PRLR: variants seen among roughly 807,000 people sequenced by gnomAD.
PRLR encodes prolactin receptor.
PRLR carries 13 observed loss-of-function variants against 40.2 expected under a neutral mutation model. That is an observed-to-expected ratio of 0.32 (90% confidence interval 0.21 to 0.51). The LOEUF (loss-of-function observed/expected upper bound fraction) is 0.51. Ranked by LOEUF, PRLR falls within the 20% of genes least tolerant of loss-of-function variation. The pLI, the probability that PRLR is intolerant of heterozygous loss-of-function variation, is 0.97. For missense variants in PRLR, 656 were observed against 747.3 expected, an observed-to-expected ratio of 0.88 and a Z score of 1.42; for synonymous variants, 269 against 278.7, an observed-to-expected ratio of 0.97 and a Z score of 0.35.
chr5:35,101,440 A>G (rs889447408), intron 2 of PRLR, among the ~76,000 whole-genome samples: 3 of 152,182 alleles, frequency 2.0e-5, no homozygotes, highest in African/African-American at 7.2e-5. Flanking sequence ...GATGAAGCCC[A>G]CTGAGATGTG....
intron 4 of PRLR, 22 bp from the exon 5 acceptor site, chr5:35,084,661 G>A: frequency 6.3e-7 from 1 of 1,594,462 alleles, no homozygotes; most frequent in Non-Finnish European, 8.5e-7. Flanking sequence ...AATGTATTAG[G>A]AATGAATAAG....
In PRLR at chr5:35,059,765, T is replaced by G. The variant is rs1768920673; in HGVS notation, c.*5324A>C. ...TTCAGATCATAATTATAAATAGGATTTCTCTGAAGCAATCAATCTGTATTT... is the reference window on the plus strand; with the variant it reads ...TTCAGATCATAATTATAAATAGGATGTCTCTGAAGCAATCAATCTGTATTT... On this transcript the variant is annotated 3_prime_UTR_variant, in exon 10 of 10. Transcript: ENST00000618457. 6.6e-6 allele frequency: 1 copy of G among 152,204 alleles called. No individual in the cohort carries two copies. Among genetic ancestry groups the G allele is most frequent in the Non-Finnish European group, 1.5e-5 (1 of 68,030 alleles). The allele number at this position is 152,204 out of a possible 1,614,324, so 9.4% of individuals were successfully genotyped here. A position where few individuals can be genotyped will look rare whatever the true frequency, so the allele number is the denominator to read the frequency against.
intron 1 of PRLR, among the ~76,000 whole-genome samples, chr5:35,124,376 T>G (rs1773388756): frequency 6.6e-6 from 1 of 151,834 alleles, no homozygotes; most frequent in Non-Finnish European, 1.5e-5. Context: ...TCATGGTGCA[T>G]GCTTATGCTG....
intron 1 of PRLR, among the ~76,000 whole-genome samples, chr5:35,181,112 T>C (rs1775285874): frequency 6.6e-6 from 1 of 152,202 alleles, no homozygotes; most frequent in Admixed American, 6.5e-5. Flanking sequence ...CAAGGCTCTG[T>C]GCAAATGGAA....
In PRLR at chr5:35,226,843, G is replaced by A. The variant is rs150317110; in HGVS notation, c.-106+3425C>T. 7.4e-3 allele frequency among the ~76,000 whole-genome samples: 1,127 copies of A among 152,330 alleles called. 6 individuals are homozygous for A. Among genetic ancestry groups the A allele is most frequent in the Middle Eastern group, 0.014 (4 of 294 alleles). On this transcript the variant is annotated intron_variant, in intron 1 of 9. Transcript: ENST00000618457. ...TTCTGTCACTCTCTCTGGCATAGAA[G>A]CTCCACAAGGGCTGGGATCCTGTGT...
At chr5:35,071,533 G>A (rs777444344) in intron 6 of PRLR, among the ~76,000 whole-genome samples, 10 of 152,138 alleles carry the variant, frequency 6.6e-5, no homozygotes, top group Non-Finnish European at 1.2e-4. Flanking sequence ...TGTAAAGATG[G>A]AATATTGTAC....
chr5:35,057,011 T>G lies in PRLR; in HGVS notation c.*8078A>C, dbSNP rs1768762193. ...CATTAAAAGATTATCCATTTACACT[T>G]CATCTGATGGATTTTGTCAGAAAAG... is the stretch of plus-strand genomic sequence containing the variant. On this transcript the variant is annotated 3_prime_UTR_variant, in exon 10 of 10. Coordinates refer to ENST00000618457, the MANE Select transcript of PRLR (RefSeq NM_000949.7). The G allele has an allele frequency of 6.6e-6, 1 of 152,190 alleles. No homozygotes were observed. The highest frequency in any genetic ancestry group is 1.5e-5 in the Non-Finnish European group (1 of 68,028). 9.4% of individuals were successfully genotyped at this position (152,190 alleles called of 1,614,324 possible).
downstream of PRLR, among the ~76,000 whole-genome samples, chr5:35,051,622 A>G (rs1292789858): frequency 6.6e-6 from 1 of 152,202 alleles, no homozygotes; most frequent in African/African-American, 2.4e-5. Context: ...TTTAATTACA[A>G]GGACCTTTAA....
chr5:35,062,077 T>C lies in PRLR; in HGVS notation c.*3012A>G, dbSNP rs1401093802. 1 of 152,194 alleles carries C rather than the reference T, an allele frequency of 6.6e-6. No homozygotes were observed. The highest frequency in any genetic ancestry group is 1.5e-5 in the Non-Finnish European group (1 of 68,038). 9.4% of individuals were successfully genotyped at this position (152,194 alleles called of 1,614,324 possible). On this transcript the variant is annotated 3_prime_UTR_variant, in exon 10 of 10. Coordinates refer to ENST00000618457, the MANE Select transcript of PRLR (RefSeq NM_000949.7). The stretch of plus-strand genomic sequence containing the variant: ...GTACACATTTCACTTATAAAATACT[T>C]GTGCAATATATTAAGACCAACTGGA...
At chr5:35,114,322 G>A (rs1020749094) in intron 2 of PRLR, among the ~76,000 whole-genome samples, 2 of 152,136 alleles carry the variant, frequency 1.3e-5, no homozygotes, top group African/African-American at 2.4e-5. Context: ...GTAAAGTGTC[G>A]AGAGGGTCAC....
chr5:35,083,751 C>T (rs1770675371), intron 5 of PRLR, among the ~76,000 whole-genome samples: 2 of 144,110 alleles, frequency 1.4e-5, no homozygotes, highest in Admixed American at 6.8e-5. Context: ...AACTCTTGAT[C>T]TTATGATCTG....
chr5:35,230,018 C>A (rs115037164), intron 1 of PRLR, among the ~76,000 whole-genome samples: 4,640 of 152,210 alleles, frequency 0.03, 101 homozygotes, highest in Middle Eastern at 0.071. Flanking sequence ...GTGGTGGAGG[C>A]AAAGCACCTT....
At position 35,172,940 on chromosome 5, in the gene PRLR, G is replaced by A. The variant is rs80274913; in HGVS notation, c.-105-54818C>T. Among the ~76,000 whole-genome samples the A allele has an allele frequency of 6.6e-3, 1,004 of 152,316 alleles. 15 individuals are homozygous for A. The highest frequency in any genetic ancestry group is 0.023 in the African/African-American group (961 of 41,548). ...TTCATTTTGACTTTTTAACCATATG[G>A]ATAAGAAGATGGTTTCTGATACTTA... On this transcript the variant is annotated intron_variant, in intron 1 of 9. Transcript: ENST00000618457.
At chr5:35,172,153 T>C (rs925174012) in intron 1 of PRLR, among the ~76,000 whole-genome samples, 3 of 152,212 alleles carry the variant, frequency 2.0e-5, no homozygotes, top group African/African-American at 7.2e-5. Context: ...GCATCTTAAA[T>C]GCTGAAAGCA....
chr5:35,050,889 T>A (rs973620598), downstream of PRLR, among the ~76,000 whole-genome samples: 2 of 152,228 alleles, frequency 1.3e-5, no homozygotes, highest in African/African-American at 4.8e-5. Context: ...ATATTACAGG[T>A]GTTCCATTTC....
chr5:35,198,803 T>C (rs1444365089), intron 1 of PRLR, among the ~76,000 whole-genome samples: 6 of 152,228 alleles, frequency 3.9e-5, no homozygotes, highest in Non-Finnish European at 7.3e-5. Flanking sequence ...TCACTTGGAC[T>C]GTGTTCACAG....
chr5:35,221,363 T>G (rs1192806254), intron 1 of PRLR, among the ~76,000 whole-genome samples: 2 of 152,218 alleles, frequency 1.3e-5, no homozygotes, highest in Admixed American at 6.5e-5. Context: ...GGCAATGTGA[T>G]TTCTAAATTG....
At chr5:35,108,640 T>C (rs941637309) in intron 2 of PRLR, among the ~76,000 whole-genome samples, 2 of 152,064 alleles carry the variant, frequency 1.3e-5, no homozygotes, top group Non-Finnish European at 2.9e-5. Context: ...ATAAAATATC[T>C]AGGAATCCAA....
At chr5:35,225,999 G>T (rs7729876) in intron 1 of PRLR, among the ~76,000 whole-genome samples, 106,249 of 152,088 alleles carry the variant, frequency 0.7, 38,152 homozygotes, top group Non-Finnish European at 0.8. Context: ...TTTACTTTTT[G>T]GGGGGAATAC....
Sources: gnomAD v4.1 joint callset for allele counts (sites outside exome capture counted in the v4.1 genomes callset) on GRCh38, gnomAD v4.1.1 for gene constraint, MANE v1.5 for transcripts, NCBI Gene and HGNC (gene_info 2026-07-23, HGNC 2026-07-21) for gene names.